Variants in ZFR observed in about 807,000 individuals in gnomAD.
The protein encoded by ZFR is zinc finger RNA-binding protein.
A neutral mutation model predicts 130.7 loss-of-function variants in ZFR; 19 were observed. That is an observed-to-expected ratio of 0.15 (90% CI 0.10 to 0.21). The LOEUF is 0.21. Ranked by LOEUF, ZFR falls within the 10% of genes least tolerant of loss-of-function variation. The pLI, the probability that ZFR is intolerant of heterozygous loss-of-function variation, is 1.00. For synonymous variants in ZFR, 466 were observed against 456.9 expected, an observed-to-expected ratio of 1.02 and a Z score of -0.25; for missense variants, 872 against 1,321.5, an observed-to-expected ratio of 0.66 and a Z score of 5.27.
At chr5:32,432,309 GAATAAAA>G (rs1334089334) in intron 2 of ZFR, among the ~76,000 whole-genome samples, 1 of 152,110 alleles carries the variant, frequency 6.6e-6, no homozygotes, top group African/African-American at 2.4e-5. Context: ...GGGCAATACG[GAATAAAA>G]AATTGGGTTT....
At chr5:32,414,648 T>C (rs1334780791) in intron 5 of ZFR, among the ~76,000 whole-genome samples, 1 of 152,186 alleles carries the variant, frequency 6.6e-6, no homozygotes, top group East Asian at 1.9e-4. Context: ...GTTTTCAATT[T>C]CATTTGGAAA....
chr5:32,395,038 G>A, intron 11 of ZFR, 121 bp downstream of exon 11: 1 of 1,334,000 alleles, frequency 7.5e-7, no homozygotes, highest in Non-Finnish European at 9.8e-7. Context: ...TCTTCCTCAA[G>A]AGTGAAAATT....
At chr5:32,424,269 C>T (rs1305783415) in intron 2 of ZFR, among the ~76,000 whole-genome samples, 6 of 152,166 alleles carry the variant, frequency 3.9e-5, no homozygotes, top group South Asian at 2.1e-4. Context: ...GTAGGCTGGG[C>T]GTGGTGGCTC....
chr5:32,383,871 C>T, intron 15 of ZFR: 1 of 450,858 alleles, frequency 2.2e-6, no homozygotes, highest in Admixed American at 2.4e-5. Flanking sequence ...TTTGGCACAT[C>T]CAACTTTTCA....
At chr5:32,416,120 A>G (rs1454635937) in intron 4 of ZFR, among the ~76,000 whole-genome samples, 1 of 152,070 alleles carries the variant, frequency 6.6e-6, no homozygotes, top group East Asian at 1.9e-4. Flanking sequence ...ATGAAATTTG[A>G]TCCATGTAAC....
chr5:32,441,302 T>C (rs1181745671), intron 2 of ZFR, among the ~76,000 whole-genome samples: 2 of 152,140 alleles, frequency 1.3e-5, no homozygotes, highest in Admixed American at 6.5e-5. Context: ...AGGTGTAGGA[T>C]GTTTACTTTA....
intron 3 of ZFR, among the ~76,000 whole-genome samples, chr5:32,418,719 T>C (rs1405138606): frequency 1.3e-5 from 2 of 152,246 alleles, no homozygotes; most frequent in Non-Finnish European, 2.9e-5. Context: ...ACTAATATTG[T>C]TGATTTACAT....
chr5:32,383,349 G>A (rs971972133), intron 15 of ZFR, among the ~76,000 whole-genome samples: 1 of 152,174 alleles, frequency 6.6e-6, no homozygotes, highest in Non-Finnish European at 1.5e-5. Context: ...GCTTTGGACC[G>A]GGCCTGATAA....
At chr5:32,417,624 ACT>A (rs1392725977) in intron 4 of ZFR, 22 bp downstream of exon 4, 9 of 1,609,458 alleles carry the variant, frequency 5.6e-6, no homozygotes, top group East Asian at 4.5e-5. Flanking sequence ...TTACAAAGAA[ACT>A]CTGTAGGTTA....
chr5:32,412,237 CATTACTT>C (rs1426919651), intron 5 of ZFR, among the ~76,000 whole-genome samples: 1 of 152,186 alleles, frequency 6.6e-6, no homozygotes, highest in Non-Finnish European at 1.5e-5. Flanking sequence ...AATAAACAAA[CATTACTT>C]ATTACATGCT....
At chr5:32,393,498 C>T (rs1273664897) in intron 11 of ZFR, among the ~76,000 whole-genome samples, 1 of 152,066 alleles carries the variant, frequency 6.6e-6, no homozygotes, top group East Asian at 1.9e-4. Flanking sequence ...CATGCGCCAC[C>T]ACGCCGGCTA....
intron 16 of ZFR, chr5:32,379,636 G>A (rs1452230716): frequency 1.4e-5 from 3 of 213,544 alleles, no homozygotes; most frequent in Non-Finnish European, 1.9e-5. Flanking sequence ...CCAAACAGCT[G>A]CTTCCTCACC....
At chr5:32,441,704 C>T (rs1168724310) in intron 2 of ZFR, among the ~76,000 whole-genome samples, 1 of 152,144 alleles carries the variant, frequency 6.6e-6, no homozygotes, top group Non-Finnish European at 1.5e-5. Flanking sequence ...TTTGCATGTG[C>T]TTTTGTTATT....
chr5:32,438,253 A>ATTTTTTTTTTTTTTTTTTTTTTTTTTTT lies in ZFR; in HGVS notation c.137+5975_137+5976insAAAAAAAAAAAAAAAAAAAAAAAAAAAA, dbSNP rs869249272. On this transcript the variant is annotated intron_variant, in intron 2 of 19. Coordinates refer to ENST00000265069, the MANE Select transcript of ZFR (RefSeq NM_016107.5). ...AGAATGCTACTGATTTTATCTGAAAATTTTTTTTTTTTTTTTTTTTTTTTT... is the reference window on the plus strand; with the variant it reads ...AGAATGCTACTGATTTTATCTGAAAATTTTTTTTTTTTTTTTTTTTTTTTTTTTTTTTTTTTTTTTTTTTTTTTTTTTT... Among the ~76,000 whole-genome samples the ATTTTTTTTTTTTTTTTTTTTTTTTTTTT allele has an allele frequency of 9.8e-5, 6 of 61,076 alleles. 1 individual carries two copies. The highest frequency in any genetic ancestry group is 9.0e-5 in the Non-Finnish European group (3 of 33,466). 40.1% of individuals were successfully genotyped at this position (61,076 alleles called of 152,430 possible).
chr5:32,357,490 T>C (rs1752340225), intron 19 of ZFR, among the ~76,000 whole-genome samples: 1 of 152,182 alleles, frequency 6.6e-6, no homozygotes, highest in African/African-American at 2.4e-5. Context: ...GGTCTTGAAC[T>C]CCTGACCTCC....
chr5:32,378,806 A>G (rs1752880373), intron 17 of ZFR, among the ~76,000 whole-genome samples: 1 of 151,974 alleles, frequency 6.6e-6, no homozygotes, highest in African/African-American at 2.4e-5. Flanking sequence ...AGTTCTTCAA[A>G]GTCTTCTTTA....
At chr5:32,362,113 T>C (rs1041796580) in intron 19 of ZFR, among the ~76,000 whole-genome samples, 1 of 152,222 alleles carries the variant, frequency 6.6e-6, no homozygotes, top group African/African-American at 2.4e-5. Context: ...AATTTGAAGA[T>C]TGATACAAAT....
In ZFR at chr5:32,390,334, C is replaced by T. The variant is rs1753139340; in HGVS notation, c.2083G>A (p.Gly695Ser). Residue 695 changes from glycine to serine, a missense_variant, in exon 12 of 20, where the codon GGC (glycine) becomes AGC (serine). Gly to Ser is a moderately conservative substitution (Grantham distance 56). Coordinates refer to ENST00000265069, the MANE Select transcript of ZFR (RefSeq NM_016107.5). ...CGGACTCCCAGAAGGCCTAATGGGC[C>T]TGGAGGACCATGAGGATAACCTCCA... is the stretch of plus-strand genomic sequence containing the variant. ...PDGGYPHGPP[G>S]PLGLLGVRPG... 1 of 1,614,078 alleles carries T rather than the reference C, an allele frequency of 6.2e-7. No individual in the cohort carries two copies. Among genetic ancestry groups the T allele is most frequent in the Admixed American group, 1.7e-5 (1 of 60,008 alleles).
In ZFR at chr5:32,390,259, C is replaced by T. The variant is rs1183465277; in HGVS notation, c.2142+16G>A. ...GTCAAACTTTCACCCCTTGTATCAC[C>T]AACGTGGACACTCACTGCAGGCCCC... On this transcript the variant is annotated intron_variant, in intron 12 of 19. Transcript: ENST00000265069. 2 of 1,604,016 alleles carry T rather than the reference C, an allele frequency of 1.2e-6. No individual in the cohort carries two copies. Among genetic ancestry groups the T allele is most frequent in the Non-Finnish European group, 8.5e-7 (1 of 1,172,722 alleles).
Sources: gnomAD v4.1 joint callset for allele counts (sites outside exome capture counted in the v4.1 genomes callset) on GRCh38, gnomAD v4.1.1 for gene constraint, MANE v1.5 for transcripts, NCBI Gene and HGNC (gene_info 2026-07-23, HGNC 2026-07-21) for gene names.